Variants in GALNT13 observed in about 807,000 individuals in gnomAD.
GALNT13 encodes the protein UDP-GalNAc:polypeptide N-acetylgalactosaminyltransferase 13.
In GALNT13, 28 loss-of-function variants were observed where a neutral mutation model predicts 64.2. The observed-to-expected ratio is 0.44, with a 90% CI of 0.32 to 0.60. The LOEUF is 0.60. GALNT13 is among the 20% of genes least tolerant of loss of function. The pLI is 0.05. For missense variants in GALNT13, 577 were observed against 669.8 expected (o/e 0.86, Z 1.53); for synonymous variants, 214 against 224.6 (o/e 0.95, Z 0.42).
chr2:153,225,482 G>A, the GALNT13 span, among the ~76,000 whole-genome samples: 1 of 152,088 alleles, frequency 6.6e-6, no homozygotes, highest in Non-Finnish European at 1.5e-5. Context: ...TGTAGTATGG[G>A]TAGTAGCTAA....
intron 9 of GALNT13, among the ~76,000 whole-genome samples, chr2:154,307,516 A>T (rs546726355): frequency 1.3e-5 from 2 of 152,324 alleles, no homozygotes; most frequent in East Asian, 3.9e-4. Flanking sequence ...GCCGTTTGGT[A>T]ATATTGACAA....
intron 8 of GALNT13, among the ~76,000 whole-genome samples, chr2:154,264,210 G>T (rs1277115037): frequency 3.3e-5 from 5 of 152,158 alleles, no homozygotes; most frequent in South Asian, 2.1e-4. Context: ...AAGGTTAGAG[G>T]TCTCATTGCC....
the GALNT13 span, among the ~76,000 whole-genome samples, chr2:153,808,759 T>C: frequency 6.6e-6 from 1 of 152,188 alleles, no homozygotes; most frequent in Non-Finnish European, 1.5e-5. Flanking sequence ...ATCTGCCTTA[T>C]CTTTTTTCTT....
intron 11 of GALNT13, among the ~76,000 whole-genome samples, chr2:154,417,807 C>T (rs922209887): frequency 3.4e-4 from 52 of 152,030 alleles, no homozygotes; most frequent in African/African-American, 9.2e-4. Flanking sequence ...CCACCGCGCC[C>T]GGCCACTTTT....
chr2:153,082,601 A>G, the GALNT13 span, among the ~76,000 whole-genome samples: 1 of 47,008 alleles, frequency 2.1e-5, no homozygotes, highest in Non-Finnish European at 4.0e-5. Flanking sequence ...ATATATATAT[A>G]TATATATATA....
chr2:154,204,185 T>C (rs74526008), intron 4 of GALNT13, among the ~76,000 whole-genome samples: 2,496 of 152,270 alleles, frequency 0.016, 50 homozygotes, highest in African/African-American at 0.054. Context: ...AGTTCAAACA[T>C]CAACCATCGT....
intron 3 of GALNT13, among the ~76,000 whole-genome samples, chr2:153,953,102 G>A (rs528708129): frequency 1.4e-4 from 21 of 152,044 alleles, no homozygotes; most frequent in African/African-American, 5.1e-4. Flanking sequence ...CATACACCCA[G>A]GATCAATACC....
chr2:153,652,381 G>C, the GALNT13 span, among the ~76,000 whole-genome samples: 1 of 152,126 alleles, frequency 6.6e-6, no homozygotes, highest in Admixed American at 6.6e-5. Context: ...AGCACCTTGG[G>C]AGACTGAGGC....
chr2:154,229,290 A>G (rs1688791994), intron 4 of GALNT13, among the ~76,000 whole-genome samples: 1 of 152,104 alleles, frequency 6.6e-6, no homozygotes, highest in Non-Finnish European at 1.5e-5. Context: ...TCAAGATTGT[A>G]TGGCCCATAG....
the GALNT13 span, among the ~76,000 whole-genome samples, chr2:153,747,772 A>T: frequency 1.9e-3 from 294 of 152,144 alleles, 3 homozygotes; most frequent in African/African-American, 6.8e-3. Flanking sequence ...AGAACATGGC[A>T]TGTTTGTCTT....
chr2:153,316,180 T>C, the GALNT13 span, among the ~76,000 whole-genome samples: 1 of 151,156 alleles, frequency 6.6e-6, no homozygotes, highest in African/African-American at 2.4e-5. Flanking sequence ...TTGATGAGGA[T>C]GTGGGGCAAT....
In GALNT13 at chr2:153,999,286, C is replaced by G. The variant is rs201322212; in HGVS notation, c.142+54647C>G. 9.2e-4 allele frequency among the ~76,000 whole-genome samples: 120 copies of G among 130,642 alleles called. 1 individual carries two copies. Among genetic ancestry groups the G allele is most frequent in the Middle Eastern group, 8.4e-3 (2 of 238 alleles). The allele number at this position is 130,642 out of a possible 152,430, so 85.7% of individuals were successfully genotyped here. ...ATGAACTTCCTTTTTTTTTTTTTTTCCAATTTGAATGTCATTTATTTCTTT... is the reference window on the plus strand; with the variant it reads ...ATGAACTTCCTTTTTTTTTTTTTTTGCAATTTGAATGTCATTTATTTCTTT... On this transcript the variant is annotated intron_variant, in intron 3 of 12. Transcript: ENST00000392825.
At chr2:153,549,671 T>C in the GALNT13 span, among the ~76,000 whole-genome samples, 1 of 152,174 alleles carries the variant, frequency 6.6e-6, no homozygotes, top group Admixed American at 6.5e-5. Context: ...CAACAAGCTT[T>C]TCATGCAGAG....
chr2:153,627,902 C>G, the GALNT13 span, among the ~76,000 whole-genome samples: 2 of 152,036 alleles, frequency 1.3e-5, no homozygotes, highest in Non-Finnish European at 2.9e-5. Context: ...TCATTGGTAG[C>G]TTGATGGGGA....
At chr2:153,649,113 A>G in the GALNT13 span, among the ~76,000 whole-genome samples, 1 of 152,074 alleles carries the variant, frequency 6.6e-6, no homozygotes, top group Non-Finnish European at 1.5e-5. Flanking sequence ...TTTGGTTGGT[A>G]AGCTATTAAT....
chr2:153,267,661 G>A, the GALNT13 span, among the ~76,000 whole-genome samples: 2 of 152,306 alleles, frequency 1.3e-5, no homozygotes, highest in East Asian at 3.9e-4. Flanking sequence ...CTAGGTCTCT[G>A]GACTTGTGAT....
At position 154,019,872 on chromosome 2, in the gene GALNT13, C is replaced by T. The variant is rs566019260; in HGVS notation, c.142+75233C>T. Among the ~76,000 whole-genome samples, 6 of 148,606 alleles carry T rather than the reference C, an allele frequency of 4.0e-5. No homozygotes were observed. In the South Asian group the frequency reaches 6.5e-4, roughly 16 times the overall value. On this transcript the variant is annotated intron_variant, in intron 3 of 12. Transcript: ENST00000392825. Reference sequence around the variant, plus strand: ...CCCCCTACCCCCACCCCACAACAGTCCCCAGAGTGTGATGTTCCCCTTCCT... The same window carrying T: ...CCCCCTACCCCCACCCCACAACAGTTCCCAGAGTGTGATGTTCCCCTTCCT...
chr2:153,350,687 A>T, the GALNT13 span, among the ~76,000 whole-genome samples: 1 of 152,020 alleles, frequency 6.6e-6, no homozygotes, highest in Non-Finnish European at 1.5e-5. Context: ...CTGGTTATGC[A>T]TTGTCAAGTT....
At chr2:153,892,911 G>A (rs1480707772) in intron 1 of GALNT13, among the ~76,000 whole-genome samples, 1 of 151,992 alleles carries the variant, frequency 6.6e-6, no homozygotes, top group Non-Finnish European at 1.5e-5. Context: ...TAGATAATGT[G>A]TATCATTTAG....
Sources: allele counts gnomAD v4.1 joint callset (sites outside exome capture counted in the v4.1 genomes callset), GRCh38; gene constraint gnomAD v4.1.1; transcripts MANE v1.5; gene names NCBI Gene and HGNC (gene_info 2026-07-23, HGNC 2026-07-21).